CNTN5: variants seen among roughly 807,000 people sequenced by gnomAD.
The protein encoded by CNTN5 is contactin 5, also known as contactin-5.
A neutral mutation model predicts 129.1 loss-of-function variants in CNTN5; 77 were observed. That is an observed-to-expected ratio of 0.60 (90% confidence interval 0.50 to 0.72). CNTN5 has a LOEUF of 0.72. Ranked by LOEUF, CNTN5 falls within the 30% of genes least tolerant of loss-of-function variation. The pLI is 0.00. For missense variants in CNTN5, 1,478 were observed against 1,328.8 expected, an observed-to-expected ratio of 1.11 and a Z score of -1.75; for synonymous variants, 509 against 465.6, an observed-to-expected ratio of 1.09 and a Z score of -1.20.
At chr11:100,228,760 C>T (rs560160620) in intron 16 of CNTN5, among the ~76,000 whole-genome samples, 1 of 152,148 alleles carries the variant, frequency 6.6e-6, no homozygotes, top group Non-Finnish European at 1.5e-5. Flanking sequence ...GCTCTACATC[C>T]TCTAGTCCTC....
rs574026363 is a variant in CNTN5 at position 99,945,783 on chromosome 11, C to T, written c.674-11023C>T. On this transcript the variant is annotated intron_variant, in intron 7 of 24. Coordinates refer to ENST00000524871, the MANE Select transcript of CNTN5 (RefSeq NM_014361.4). ...TTCTATGGTGCCACATTACCTTACA[C>T]GCTCATCGAGTTGAGCCCCCTGTGT... Among the ~76,000 whole-genome samples, 14 of 152,102 alleles carry T rather than the reference C, an allele frequency of 9.2e-5. No homozygotes were observed. The East Asian group carries it at 2.1e-3, about 23-fold the overall frequency.
intron 1 of CNTN5, among the ~76,000 whole-genome samples, chr11:99,289,457 C>A (rs891682495): frequency 2.6e-5 from 4 of 151,708 alleles, no homozygotes; most frequent in Admixed American, 1.3e-4. Flanking sequence ...TACTTAATAT[C>A]CTTTCTCTCT....
intron 2 of CNTN5, among the ~76,000 whole-genome samples, chr11:99,449,711 G>T (rs1313129708): frequency 6.6e-6 from 1 of 152,142 alleles, no homozygotes; most frequent in East Asian, 1.9e-4. Context: ...GTATGTGTGG[G>T]TCTCTCTTTA....
In CNTN5 at chr11:99,823,644, A is replaced by G. The variant is rs558410980; in HGVS notation, c.277+3879A>G. 1.5e-4 allele frequency among the ~76,000 whole-genome samples: 23 copies of G among 152,328 alleles called. No homozygotes were observed. The East Asian group carries it at 4.4e-3, about 29-fold the overall frequency. ...TTAGAAATTGTCAAATATTGAAAACATAAAGGAAATAATAATTTCATGAAA... is the reference window on the plus strand; with the variant it reads ...TTAGAAATTGTCAAATATTGAAAACGTAAAGGAAATAATAATTTCATGAAA... On this transcript the variant is annotated intron_variant, in intron 4 of 24. Transcript: ENST00000524871.
chr11:99,967,538 G>A (rs1394551728), intron 8 of CNTN5, among the ~76,000 whole-genome samples: 1 of 152,094 alleles, frequency 6.6e-6, no homozygotes, highest in Non-Finnish European at 1.5e-5. Flanking sequence ...ATCCTGATGA[G>A]GCCAAGCTCA....
chr11:99,710,599 GTGTA>G (rs61525786), intron 3 of CNTN5, among the ~76,000 whole-genome samples: 15,103 of 138,074 alleles, frequency 0.11, 742 homozygotes, highest in African/African-American at 0.16. Context: ...GTGTGTGTGT[GTGTA>G]TGTATGTATG....
intron 4 of CNTN5, among the ~76,000 whole-genome samples, chr11:99,824,906 A>G (rs939836931): frequency 7.9e-5 from 12 of 151,936 alleles, no homozygotes; most frequent in South Asian, 4.1e-4. Context: ...TTTGGAAAAC[A>G]TTTTTCACAT....
At chr11:99,917,335 G>A (rs1385088799) in intron 7 of CNTN5, among the ~76,000 whole-genome samples, 1 of 151,948 alleles carries the variant, frequency 6.6e-6, no homozygotes, top group African/African-American at 2.4e-5. Flanking sequence ...ATTCTTGCCT[G>A]CATCTAAATC....
chr11:99,924,508 A>G (rs954640080), intron 7 of CNTN5, among the ~76,000 whole-genome samples: 1 of 148,238 alleles, frequency 6.7e-6, no homozygotes, highest in Non-Finnish European at 1.5e-5. Flanking sequence ...TCCTTTCCCT[A>G]TTGTTTATTT....
chr11:99,881,794 C>T (rs547395574), intron 6 of CNTN5, among the ~76,000 whole-genome samples: 3 of 152,256 alleles, frequency 2.0e-5, no homozygotes, highest in South Asian at 2.1e-4. Context: ...TCCCTCCAGC[C>T]GTGTATCGCA....
At chr11:99,992,833 A>G (rs1939199313) in intron 8 of CNTN5, among the ~76,000 whole-genome samples, 1 of 152,258 alleles carries the variant, frequency 6.6e-6, no homozygotes, top group Non-Finnish European at 1.5e-5. Context: ...GCTTCTGTTT[A>G]TGAGAAATTA....
rs116576984 is a variant in CNTN5, at chr11:99,280,829, A to C, written c.-209-44517A>C. 3.4e-3 allele frequency among the ~76,000 whole-genome samples: 514 copies of C among 151,992 alleles called. 3 individuals are homozygous for C. Among genetic ancestry groups the C allele is most frequent in the African/African-American group, 0.012 (494 of 41,520 alleles). ...TGGACTATTCATGAAGTCAGCAGAAATAACATATGAATGAATTATGTCACC... is the reference window on the plus strand; with the variant it reads ...TGGACTATTCATGAAGTCAGCAGAACTAACATATGAATGAATTATGTCACC... On this transcript the variant is annotated intron_variant, in intron 1 of 24. Transcript: ENST00000524871.
At chr11:99,456,289 A>C (rs1250768316) in intron 2 of CNTN5, among the ~76,000 whole-genome samples, 1 of 152,162 alleles carries the variant, frequency 6.6e-6, no homozygotes, top group Non-Finnish European at 1.5e-5. Context: ...CTCAGAGAAA[A>C]CGTGAGAATG....
intron 3 of CNTN5, among the ~76,000 whole-genome samples, chr11:99,749,146 A>T (rs12574228): frequency 0.27 from 40,386 of 152,076 alleles, 6,882 homozygotes; most frequent in East Asian, 0.73. Context: ...ACTTTGGCTT[A>T]CTGATGGTTC....
At chr11:99,070,087 G>T (rs539164086) in intron 1 of CNTN5, among the ~76,000 whole-genome samples, 9 of 152,102 alleles carry the variant, frequency 5.9e-5, no homozygotes, top group Non-Finnish European at 1.0e-4. Context: ...CACTTAGTCC[G>T]CACTGGTATG....
intron 6 of CNTN5, among the ~76,000 whole-genome samples, chr11:99,898,176 G>T (rs1239474116): frequency 1.3e-5 from 2 of 151,798 alleles, no homozygotes; most frequent in Non-Finnish European, 2.9e-5. Flanking sequence ...AGAAAAACAA[G>T]AACAAATCAA....
intron 1 of CNTN5, among the ~76,000 whole-genome samples, chr11:99,233,708 G>A (rs1861121967): frequency 6.6e-6 from 1 of 152,168 alleles, no homozygotes. Context: ...AGCACTTTGG[G>A]AGGCCGAGGT....
chr11:100,079,018 A>G (rs547051635), intron 13 of CNTN5, among the ~76,000 whole-genome samples: 1 of 152,278 alleles, frequency 6.6e-6, no homozygotes, highest in South Asian at 2.1e-4. Flanking sequence ...ACAAGGAGGC[A>G]GGAAGGAGAA....
chr11:99,209,797 A>G (rs1303756207), intron 1 of CNTN5, among the ~76,000 whole-genome samples: 1 of 152,206 alleles, frequency 6.6e-6, no homozygotes, highest in Non-Finnish European at 1.5e-5. Context: ...CAATGAACAG[A>G]CACTAAATTC....
Sources: allele counts gnomAD v4.1 joint callset (sites outside exome capture counted in the v4.1 genomes callset), GRCh38; gene constraint gnomAD v4.1.1; transcripts MANE v1.5; gene names NCBI Gene and HGNC (gene_info 2026-07-23, HGNC 2026-07-21).